The following ZNF714 variants were observed in gnomAD, a reference collection of about 807,000 sequenced individuals.
ZNF714 encodes the protein zinc finger protein 714.
In ZNF714, 32 loss-of-function variants were observed where a neutral mutation model predicts 46.2. The observed-to-expected ratio is 0.69, with a 90% CI of 0.52 to 0.93. The LOEUF is 0.93. Among genes scored for constraint, ZNF714 ranks in the 40% least tolerant of loss-of-function variants. The pLI is 0.00. For synonymous variants in ZNF714, 199 were observed against 213.1 expected (o/e 0.93, Z 0.58); for missense variants, 635 against 646.3 (o/e 0.98, Z 0.19).
chr19:21,084,969 G>T (rs1295709897), intron 2 of ZNF714, among the ~76,000 whole-genome samples: 1 of 152,112 alleles, frequency 6.6e-6, no homozygotes, highest in Non-Finnish European at 1.5e-5. Context: ...TTTAGAAAAA[G>T]AAATTAATGC....
chr19:21,083,168 CTGGGA>C (rs937820747), intron 1 of ZNF714, among the ~76,000 whole-genome samples: 18 of 152,074 alleles, frequency 1.2e-4, no homozygotes, highest in African/African-American at 4.3e-4. Context: ...TCCCAGGTAG[CTGGGA>C]TTACAGGCAT....
chr19:21,102,675 A>C (rs533802705), intron 4 of ZNF714, among the ~76,000 whole-genome samples: 2 of 152,296 alleles, frequency 1.3e-5, no homozygotes, highest in East Asian at 1.9e-4. Context: ...TTACTGCCAC[A>C]TAGTGCATGC....
Position 21,096,931 on chromosome 19 carries a change from A to G in ZNF714, c.-84-1254A>G, listed in dbSNP as rs553856984. 2.0e-5 allele frequency among the ~76,000 whole-genome samples: 3 copies of G among 152,188 alleles called. No homozygotes were observed. The East Asian group carries it at 5.8e-4, about 29-fold the overall frequency. On this transcript the variant is annotated intron_variant, in intron 2 of 4. Transcript: ENST00000456283. ...GCCCAGGCTAGAGTGCAGTGGCGCA[A>G]TCTCAGCTCACTGCAAGCTCCGCCT...
chr19:21,095,563 C>T (rs948690310), intron 2 of ZNF714, among the ~76,000 whole-genome samples: 4 of 151,960 alleles, frequency 2.6e-5, no homozygotes, highest in Non-Finnish European at 4.4e-5. Context: ...CCCGGGTTCA[C>T]GCCATTCTCC....
At chr19:21,096,997 G>T (rs2144839951) in intron 2 of ZNF714, among the ~76,000 whole-genome samples, 1 of 152,086 alleles carries the variant, frequency 6.6e-6, no homozygotes, top group Non-Finnish European at 1.5e-5. Flanking sequence ...CTCCCAAGTA[G>T]CTGGGACTAC....
At chr19:21,101,854 G>T (rs970042186) in intron 4 of ZNF714, among the ~76,000 whole-genome samples, 21 of 152,128 alleles carry the variant, frequency 1.4e-4, no homozygotes, top group Non-Finnish European at 1.8e-4. Context: ...AAAACCAGGG[G>T]TCCTGTAGTT....
intron 2 of ZNF714, among the ~76,000 whole-genome samples, chr19:21,085,322 C>G (rs1376827615): frequency 6.6e-6 from 1 of 152,070 alleles, no homozygotes; most frequent in Non-Finnish European, 1.5e-5. Flanking sequence ...GAGTTTCATG[C>G]TACATTTTAT....
At chr19:21,106,590 A>AT (rs1206606945) in intron 4 of ZNF714, among the ~76,000 whole-genome samples, 1 of 149,798 alleles carries the variant, frequency 6.7e-6, no homozygotes, top group African/African-American at 2.4e-5. Context: ...AAAAACAAAT[A>AT]TTTTTTGTAT....
intron 4 of ZNF714, among the ~76,000 whole-genome samples, chr19:21,104,639 A>G (rs894147833): frequency 5.6e-4 from 84 of 150,818 alleles, no homozygotes; most frequent in African/African-American, 2.1e-3. Context: ...TATTGTGATG[A>G]AGTCTTACTG....
chr19:21,115,832 C>G (rs1444684758), intron 4 of ZNF714, among the ~76,000 whole-genome samples: 1 of 151,222 alleles, frequency 6.6e-6, no homozygotes, highest in Non-Finnish European at 1.5e-5. Context: ...ATATTTTTTA[C>G]CTTTACAATT....
At chr19:21,109,771 G>A (rs1333771111) in intron 4 of ZNF714, 1 of 114,550 alleles carries the variant, frequency 8.7e-6, no homozygotes, top group Non-Finnish European at 1.9e-5. Flanking sequence ...ACAGGCCCCA[G>A]TGTGTGTTGT....
chr19:21,113,516 T>TC (rs896204377), intron 4 of ZNF714, among the ~76,000 whole-genome samples: 11 of 151,254 alleles, frequency 7.3e-5, no homozygotes, highest in African/African-American at 2.4e-4. Flanking sequence ...TTTCTTCTTT[T>TC]TTTTTTTTGA....
intron 4 of ZNF714, among the ~76,000 whole-genome samples, chr19:21,107,242 T>A (rs968781634): frequency 2.4e-5 from 1 of 40,820 alleles, no homozygotes; most frequent in Admixed American, 5.5e-4. Flanking sequence ...ACAAGTTTTC[T>A]TTCTTTTTTT....
At chr19:21,094,296 C>G (rs1156925635) in intron 2 of ZNF714, among the ~76,000 whole-genome samples, 1 of 152,146 alleles carries the variant, frequency 6.6e-6, no homozygotes, top group Non-Finnish European at 1.5e-5. Flanking sequence ...CAGCCCATGT[C>G]TTTGTTATTG....
intron 2 of ZNF714, among the ~76,000 whole-genome samples, chr19:21,092,747 C>T (rs1968940834): frequency 6.6e-6 from 1 of 152,062 alleles, no homozygotes; most frequent in Non-Finnish European, 1.5e-5. Flanking sequence ...TGTCTATTCT[C>T]AACTAGGCCT....
Position 21,117,095 on chromosome 19 carries a change from CT to C in ZNF714, c.434del (p.Phe145SerfsTer77), listed in dbSNP as rs754795311. 4.3e-6 allele frequency: 7 copies of C among 1,613,370 alleles called. No individual in the cohort carries two copies. The highest frequency in any genetic ancestry group is 1.1e-5 in the South Asian group (1 of 90,988). On this transcript the variant is annotated frameshift_variant, in exon 5 of 5. Transcript: ENST00000456283. LOFTEE classifies it high-confidence loss of function. The stretch of plus-strand genomic sequence containing the variant: ...AAGACAAGACATACTGGAGAGAAAC[CT>C]TTCAAATGTAAAAAATGTGATGAAT... Reference protein sequence around the residue: ...RHKTRHTGEKPFKCKKCDESF... With the variant: ...RHKTRHTGEKXFKCKKCDESF...
At chr19:21,115,971 CT>C (rs1325477037) in intron 4 of ZNF714, among the ~76,000 whole-genome samples, 3 of 151,330 alleles carry the variant, frequency 2.0e-5, no homozygotes, top group South Asian at 2.1e-4. Flanking sequence ...ATATATACAT[CT>C]TTTTTATGGT....
At chr19:21,108,133 C>T (rs1969366067) in intron 4 of ZNF714, among the ~76,000 whole-genome samples, 1 of 152,180 alleles carries the variant, frequency 6.6e-6, no homozygotes, top group Admixed American at 6.6e-5. Context: ...TAGACAGGGT[C>T]TCACTGTGTT....
At chr19:21,089,058 C>T (rs932082649) in intron 2 of ZNF714, among the ~76,000 whole-genome samples, 1 of 152,148 alleles carries the variant, frequency 6.6e-6, no homozygotes, top group African/African-American at 2.4e-5. Context: ...ATATTTCTCA[C>T]CCAGTTATTA....
Sources: gnomAD v4.1 joint callset for allele counts (sites outside exome capture counted in the v4.1 genomes callset) on GRCh38, gnomAD v4.1.1 for gene constraint, MANE v1.5 for transcripts, NCBI Gene and HGNC (gene_info 2026-07-23, HGNC 2026-07-21) for gene names.